DLGAP2: variants seen among roughly 807,000 people sequenced by gnomAD.
DLGAP2 encodes DLG associated protein 2.
A neutral mutation model predicts 100.3 loss-of-function variants in DLGAP2; 26 were observed. That is an observed-to-expected ratio of 0.26 (90% CI 0.19 to 0.36). The LOEUF is 0.36. DLGAP2 is among the 10% of genes least tolerant of loss of function. The pLI, the probability that DLGAP2 is intolerant of heterozygous loss-of-function variation, is 1.00. For synonymous variants in DLGAP2, 886 were observed against 630.1 expected, an observed-to-expected ratio of 1.41 and a Z score of -6.08; for missense variants, 1,858 against 1,453.2, an observed-to-expected ratio of 1.28 and a Z score of -4.53.
Position 1,089,083 on chromosome 8 carries a change from C to T in DLGAP2, c.74-169768C>T, listed in dbSNP as rs193276763. On this transcript the variant is annotated intron_variant, in intron 2 of 14. Transcript: ENST00000637795. ...GGCCTCACTCTCTCCACCCCTCGTC[C>T]AGCAGGCTATGCAATTCTTGCTCCC... 1.6e-3 allele frequency among the ~76,000 whole-genome samples: 230 copies of T among 142,484 alleles called. 4 individuals carry two copies. Among genetic ancestry groups the T allele is most frequent in the Non-Finnish European group, 2.8e-3 (184 of 66,098 alleles). 93.5% of individuals were successfully genotyped at this position (142,484 alleles called of 152,430 possible). A position where few individuals can be genotyped will look rare whatever the true frequency, so the allele number is the denominator to read the frequency against.
chr8:1,103,430 T>C (rs36025107), intron 2 of DLGAP2, among the ~76,000 whole-genome samples: 81,422 of 139,720 alleles, frequency 0.58, 26,880 homozygotes, highest in Non-Finnish European at 0.73. Flanking sequence ...CTGGCAGGGC[T>C]TTGGTTAACG....
At chr8:753,791 C>T (rs543311872) in intron 1 of DLGAP2, 2 of 152,208 alleles carry the variant, frequency 1.3e-5, no homozygotes, top group Admixed American at 6.5e-5. Context: ...TAGATAAATA[C>T]TTGTTATTTT....
chr8:957,426 C>T (rs1008093750), intron 2 of DLGAP2, among the ~76,000 whole-genome samples: 4 of 152,156 alleles, frequency 2.6e-5, no homozygotes, highest in East Asian at 1.9e-4. Flanking sequence ...GGGTTTAAAG[C>T]GTATTTTTCA....
intron 2 of DLGAP2, among the ~76,000 whole-genome samples, chr8:1,023,857 ATGTGTGTGTGTGTG>A (rs149206104): frequency 1.6e-4 from 20 of 128,942 alleles, no homozygotes; most frequent in South Asian, 8.2e-4. Flanking sequence ...AACTTTATAT[ATGTGTGTGTGTGTG>A]TGTGTGTGTG....
intron 3 of DLGAP2, among the ~76,000 whole-genome samples, chr8:1,479,111 G>A (rs1002165209): frequency 2.0e-5 from 3 of 152,268 alleles, no homozygotes; most frequent in African/African-American, 7.2e-5. Flanking sequence ...GGTGAGCCCA[G>A]GCAGGGGGGC....
At chr8:813,769 C>G (rs995516889) in intron 1 of DLGAP2, among the ~76,000 whole-genome samples, 10 of 152,146 alleles carry the variant, frequency 6.6e-5, no homozygotes, top group African/African-American at 2.2e-4. Flanking sequence ...GGGGTTCTTT[C>G]TCCCTCCACT....
chr8:1,572,979 G>C (rs1186070682), intron 6 of DLGAP2, among the ~76,000 whole-genome samples: 2 of 126,850 alleles, frequency 1.6e-5, no homozygotes, highest in African/African-American at 6.1e-5. Context: ...AGAGGAGAGA[G>C]GGTGAACTGG....
intron 6 of DLGAP2, among the ~76,000 whole-genome samples, chr8:1,566,482 T>C (rs1802406763): frequency 6.6e-6 from 1 of 152,230 alleles, no homozygotes; most frequent in Non-Finnish European, 1.5e-5. Flanking sequence ...AATATGACTG[T>C]TACTGTCAAC....
intron 2 of DLGAP2, among the ~76,000 whole-genome samples, chr8:914,636 G>T (rs1798553809): frequency 6.6e-6 from 1 of 152,342 alleles, no homozygotes; most frequent in South Asian, 2.1e-4. Context: ...AGCAAGGATT[G>T]CACGGTTATA....
In DLGAP2 at chr8:1,512,456, C is replaced by T. The variant is rs540919759; in HGVS notation, c.172+11025C>T. ...GTGTCAGCCGTGGGTGTGGCAGTTC[C>T]GCACTGACCTCGGTGCATTCCTGCT... On this transcript the variant is annotated intron_variant, in intron 4 of 14. Transcript: ENST00000637795. 4.6e-5 allele frequency among the ~76,000 whole-genome samples: 7 copies of T among 152,220 alleles called. No individual in the cohort carries two copies. In the East Asian group the frequency reaches 1.2e-3, roughly 25 times the overall value.
chr8:1,515,022 C>T (rs1262202027), intron 4 of DLGAP2, among the ~76,000 whole-genome samples: 1 of 151,524 alleles, frequency 6.6e-6, no homozygotes, highest in Non-Finnish European at 1.5e-5. Flanking sequence ...TGGAGGGAGA[C>T]CGACGTGCAG....
At chr8:919,622 G>A (rs1798667353) in intron 2 of DLGAP2, among the ~76,000 whole-genome samples, 1 of 152,218 alleles carries the variant, frequency 6.6e-6, no homozygotes, top group African/African-American at 2.4e-5. Context: ...AGTACAGGAT[G>A]GGGCCCCGGT....
intron 6 of DLGAP2, among the ~76,000 whole-genome samples, chr8:1,567,341 G>A (rs924314077): frequency 2.0e-5 from 3 of 152,232 alleles, no homozygotes; most frequent in African/African-American, 4.8e-5. Flanking sequence ...GCTATGCTTC[G>A]TGGGTCCAGG....
At chr8:938,014 G>A (rs1799110684) in intron 2 of DLGAP2, among the ~76,000 whole-genome samples, 1 of 152,114 alleles carries the variant, frequency 6.6e-6, no homozygotes, top group Non-Finnish European at 1.5e-5. Context: ...CTCTGGCCTT[G>A]TGTCTCAGAC....
At chr8:1,284,441 G>A (rs1799881846) in intron 3 of DLGAP2, among the ~76,000 whole-genome samples, 1 of 152,078 alleles carries the variant, frequency 6.6e-6, no homozygotes, top group Non-Finnish European at 1.5e-5. Flanking sequence ...TGTGTGGACC[G>A]TCACCTGGGC....
rs768915315 is a variant in DLGAP2, at chr8:1,549,322, G to A, written c.869G>A (p.Arg290Gln). The change falls in exon 5 of 15, where the codon CGG becomes CAG. Residue 290 changes from arginine to glutamine, a missense_variant. Arg to Gln is a conservative substitution (Grantham distance 43). Transcript: ENST00000637795. ...SKERKPEGKP[R>Q]PGMSSWWSSD... ...GAGCGCAAGCCGGAGGGCAAGCCCCGGCCCGGCATGAGCAGCTGGTGGAGC... is the reference window on the plus strand; with the variant it reads ...GAGCGCAAGCCGGAGGGCAAGCCCCAGCCCGGCATGAGCAGCTGGTGGAGC... 5 of 1,613,008 alleles carry A rather than the reference G, an allele frequency of 3.1e-6. No homozygotes were observed. Among genetic ancestry groups the A allele is most frequent in the Middle Eastern group, 1.6e-4 (1 of 6,062 alleles).
intron 3 of DLGAP2, among the ~76,000 whole-genome samples, chr8:1,453,045 A>C (rs990027576): frequency 1.3e-5 from 2 of 152,194 alleles, no homozygotes; most frequent in African/African-American, 4.8e-5. Context: ...GAAGGGTTAG[A>C]CATTTCTCTG....
At chr8:756,483 A>G (rs1820925056) in intron 1 of DLGAP2, among the ~76,000 whole-genome samples, 4 of 152,176 alleles carry the variant, frequency 2.6e-5, no homozygotes, top group Non-Finnish European at 5.9e-5. Context: ...AAAATGCATG[A>G]ACTTTGGTTT....
chr8:806,354 A>T (rs987540974), intron 1 of DLGAP2, among the ~76,000 whole-genome samples: 7 of 152,080 alleles, frequency 4.6e-5, no homozygotes, highest in African/African-American at 1.7e-4. Context: ...ACTGCCCGTC[A>T]CTCTGCAGCA....
Sources: gnomAD v4.1 joint callset for allele counts (sites outside exome capture counted in the v4.1 genomes callset) on GRCh38, gnomAD v4.1.1 for gene constraint, MANE v1.5 for transcripts, NCBI Gene and HGNC (gene_info 2026-07-23, HGNC 2026-07-21) for gene names.